The following ZNF91 variants were observed in gnomAD, a reference collection of about 807,000 sequenced individuals.
ZNF91 encodes the protein zinc finger protein 91 (HPF7, HTF10).
In ZNF91, 7 loss-of-function variants were observed where a neutral mutation model predicts 12.6. That is an observed-to-expected ratio of 0.55 (90% CI 0.31 to 1.04). ZNF91 has a LOEUF of 1.04. Among genes scored for constraint, ZNF91 ranks in the 50% least tolerant of loss-of-function variants. The pLI, the probability that ZNF91 is intolerant of heterozygous loss-of-function variation, is 0.05. For synonymous variants in ZNF91, 453 were observed against 462.6 expected (o/e 0.98, Z 0.27); for missense variants, 1,217 against 1,385.4 (o/e 0.88, Z 1.93).
At position 23,374,703 on chromosome 19, in the gene ZNF91, T is replaced by A; in HGVS notation, c.92A>T (p.Asp31Val). The stretch of plus-strand genomic sequence containing the variant: ...CCTATATAAATTCTGCTGTGCAGTG[T>A]CCAGACATTGCCACTCCTCCGGAGA... The part of the protein sequence containing the change: ...EFSPEEWQCL[D>V]TAQQNLYRNV... Residue 31 changes from aspartate (D) to valine (V), a missense_variant, in exon 2 of 4, where the codon GAC (aspartate) becomes GTC (valine). Coordinates refer to ENST00000300619, the MANE Select transcript of ZNF91 (RefSeq NM_003430.4). 1 of 1,613,332 alleles carries A rather than the reference T, an allele frequency of 6.2e-7. No homozygotes were observed. The highest frequency in any genetic ancestry group is 8.5e-7 in the Non-Finnish European group (1 of 1,179,634).
At chr19:23,378,638 A>G (rs567154997) in intron 1 of ZNF91, among the ~76,000 whole-genome samples, 7 of 152,308 alleles carry the variant, frequency 4.6e-5, no homozygotes, top group African/African-American at 1.4e-4. Context: ...TAAAAAATAC[A>G]AATAATAACT....
In ZNF91 at chr19:23,341,670, CAAT is replaced by C. The variant is rs535963476; in HGVS notation, c.254-2619_254-2617del. The stretch of plus-strand genomic sequence containing the variant: ...ACCAAAAGGCAACTGCAAATGAAAA[CAAT>C]GATGAGCTATCACTCGAAATCTGTT... On this transcript the variant is annotated intron_variant, in intron 3 of 3. Coordinates refer to the ZNF91 transcript ENST00000599743. Among the ~76,000 whole-genome samples, 83 of 151,830 alleles carry C rather than the reference CAAT, an allele frequency of 5.5e-4. No homozygotes were observed. In the South Asian group the frequency reaches 0.011, roughly 21 times the overall value.
chr19:23,368,657 T>A (rs1299896896), intron 3 of ZNF91, among the ~76,000 whole-genome samples: 1 of 150,764 alleles, frequency 6.6e-6, no homozygotes. Context: ...CCAGAATAAT[T>A]TAACTACACT....
chr19:23,386,998 G>GA (rs1270158270), intron 1 of ZNF91, among the ~76,000 whole-genome samples: 3 of 152,076 alleles, frequency 2.0e-5, no homozygotes, highest in African/African-American at 7.2e-5. Context: ...CAAGAAACAT[G>GA]AAAAAGATGC....
intron 1 of ZNF91, chr19:23,384,731 G>T (rs767364801): frequency 9.8e-6 from 6 of 611,736 alleles, no homozygotes; most frequent in African/African-American, 3.7e-5. Flanking sequence ...CTTTTACCTG[G>T]AAACTAGGAG....
At chr19:23,350,044 C>T (rs543457683) in intron 3 of ZNF91, among the ~76,000 whole-genome samples, 40 of 152,202 alleles carry the variant, frequency 2.6e-4, no homozygotes, top group African/African-American at 8.7e-4. Context: ...CTAACCAAAC[C>T]GCCTCAGCCT....
At chr19:23,336,514 C>T (rs569405879), downstream of ZNF91, among the ~76,000 whole-genome samples, 17 of 152,190 alleles carry the variant, frequency 1.1e-4, no homozygotes, top group Admixed American at 2.6e-4. Context: ...TTACTCTACA[C>T]GTGGTTTACA....
intron 3 of ZNF91, among the ~76,000 whole-genome samples, chr19:23,341,812 G>A (rs1185486409): frequency 1.3e-5 from 2 of 152,162 alleles, no homozygotes; most frequent in South Asian, 2.1e-4. Flanking sequence ...AGACATGATG[G>A]GAAAAGAAAC....
Position 23,360,653 on chromosome 19 carries a change from C to T in ZNF91, c.2326G>A (p.Gly776Ser). The change falls in exon 4 of 4, where the codon GGC becomes AGC. Residue 776 changes from glycine to serine, a missense_variant. Physicochemically the swap from Gly to Ser is moderately conservative, Grantham distance 56. Around this residue, in one of 2 missense-constraint regions of ZNF91, gnomAD observed 491 missense variants for 489.8 expected, o/e 1.00. Coordinates refer to ENST00000300619, the MANE Select transcript of ZNF91 (RefSeq NM_003430.4). ...GTTGAAGACCATATAAATGCTTTGC[C>T]ACATTCTTTACATTTGAAGGGTTTC... ...REKPFKCKEC[G>S]KAFIWSSTLT... 1 of 1,613,816 alleles carries T rather than the reference C, an allele frequency of 6.2e-7. No homozygotes were observed. Among genetic ancestry groups the T allele is most frequent in the Non-Finnish European group, 8.5e-7 (1 of 1,179,910 alleles).
chr19:23,323,653 CTCCTCCTT>C (rs1967764499), intron 1 of ZNF91, among the ~76,000 whole-genome samples: 2 of 132,560 alleles, frequency 1.5e-5, no homozygotes, highest in East Asian at 5.1e-4. Context: ...TTCTCCTCTC[CTCCTCCTT>C]TCCTCTTCTC....
chr19:23,373,698 T>C (rs777307696), intron 3 of ZNF91, 44 bp downstream of exon 3: 8 of 1,480,188 alleles, frequency 5.4e-6, no homozygotes, highest in Non-Finnish European at 5.6e-6. Flanking sequence ...TTCTTGACTT[T>C]GGGCCTCTCA....
At chr19:23,323,723 C>T (rs114359427) in intron 1 of ZNF91, among the ~76,000 whole-genome samples, 83 of 126,910 alleles carry the variant, frequency 6.5e-4, no homozygotes, top group African/African-American at 2.5e-3. Flanking sequence ...TTTTCTTCTA[C>T]GCCTTCTCCT....
chr19:23,351,755 T>C (rs150633892), intron 3 of ZNF91, among the ~76,000 whole-genome samples: 29 of 152,242 alleles, frequency 1.9e-4, no homozygotes, highest in Middle Eastern at 3.4e-3. Flanking sequence ...CTGAAGGAAA[T>C]AGACCGCTCC....
intron 3 of ZNF91, among the ~76,000 whole-genome samples, chr19:23,364,381 G>C (rs926727616): frequency 2.0e-5 from 3 of 152,150 alleles, no homozygotes; most frequent in Admixed American, 6.5e-5. Context: ...GGAGGCAGTG[G>C]TTGTGGTGAG....
intron 1 of ZNF91, among the ~76,000 whole-genome samples, chr19:23,380,065 G>A (rs1226605076): frequency 6.6e-6 from 1 of 151,792 alleles, no homozygotes; most frequent in Non-Finnish European, 1.5e-5. Context: ...GAGCAGCCTG[G>A]TCAACATAGT....
intron 3 of ZNF91, among the ~76,000 whole-genome samples, chr19:23,352,571 G>A (rs1163398436): frequency 1.3e-5 from 2 of 151,968 alleles, no homozygotes; most frequent in Non-Finnish European, 2.9e-5. Flanking sequence ...AAACTATGCA[G>A]GCAACAAAGA....
chr19:23,360,064 C>T lies in ZNF91; in HGVS notation c.2915G>A (p.Gly972Asp), dbSNP rs1968663795. 6.2e-7 allele frequency: 1 copy of T among 1,612,884 alleles called. No homozygotes were observed. The highest frequency in any genetic ancestry group is 8.5e-7 in the Non-Finnish European group (1 of 1,179,928). Residue 972 changes from glycine (G) to aspartate (D), a missense_variant, in exon 4 of 4, where the codon GGC becomes GAC. Gly to Asp is a moderately conservative substitution (Grantham distance 94). Around this residue, in one of 2 missense-constraint regions of ZNF91, gnomAD observed 491 missense variants for 489.8 expected, o/e 1.00. Coordinates refer to ENST00000300619, the MANE Select transcript of ZNF91 (RefSeq NM_003430.4). ...GEKPYKCEEC[G>D]KAFRKSSTLT... ...AGTTGAAGATTTCCTAAAAGCTTTG[C>T]CACATTCTTCACATTTGTAGGGTTT... is the stretch of plus-strand genomic sequence containing the variant.
intron 1 of ZNF91, among the ~76,000 whole-genome samples, chr19:23,319,234 C>T (rs1044531251): frequency 1.3e-5 from 2 of 152,198 alleles, no homozygotes; most frequent in Non-Finnish European, 2.9e-5. Context: ...GGTAATGTTA[C>T]TCTTTTCTCC....
chr19:23,352,414 A>C (rs756863562), intron 3 of ZNF91, among the ~76,000 whole-genome samples: 8 of 152,136 alleles, frequency 5.3e-5, no homozygotes, highest in Non-Finnish European at 7.4e-5. Context: ...GAACTCAGAC[A>C]CATCTAGCAC....
Sources: gnomAD v4.1 joint callset for allele counts (sites outside exome capture counted in the v4.1 genomes callset) on GRCh38, gnomAD v4.1.1 for gene constraint, gnomAD v4.1.1 regional missense constraint, MANE v1.5 for transcripts, NCBI Gene and HGNC (gene_info 2026-07-23, HGNC 2026-07-21) for gene names.